Variants in DLG1 observed in about 807,000 individuals in gnomAD.
DLG1 encodes discs large MAGUK scaffold protein 1, also known as disks large homolog 1.
Under a neutral mutation model 123.4 loss-of-function variants are expected in DLG1, and 42 were observed. The observed-to-expected ratio is 0.34, with a 90% CI of 0.27 to 0.44. The LOEUF is 0.44. DLG1 is among the 20% of genes least tolerant of loss of function. The probability of loss-of-function intolerance (pLI) is 1.00; values close to 1 mark genes in which losing one functional copy is unlikely to be tolerated. For synonymous variants in DLG1, 317 were observed against 356.2 expected, an observed-to-expected ratio of 0.89 and a Z score of 1.24; for missense variants, 942 against 1,082.6, an observed-to-expected ratio of 0.87 and a Z score of 1.82.
At chr3:197,182,822 AATT>A (rs1713172953) in intron 5 of DLG1, among the ~76,000 whole-genome samples, 1 of 152,100 alleles carries the variant, frequency 6.6e-6, no homozygotes, top group Non-Finnish European at 1.5e-5. Context: ...TATTTCAAAC[AATT>A]ATTAATTTTT....
intron 10 of DLG1, among the ~76,000 whole-genome samples, chr3:197,135,019 C>G (rs1784412588): frequency 6.6e-6 from 1 of 152,188 alleles, no homozygotes; most frequent in African/African-American, 2.4e-5. Flanking sequence ...GCCTAGAAGA[C>G]TGTTATACAT....
chr3:197,213,337 A>G (rs1216250339), intron 4 of DLG1, among the ~76,000 whole-genome samples: 1 of 152,202 alleles, frequency 6.6e-6, no homozygotes, highest in Non-Finnish European at 1.5e-5. Context: ...GAATCCATTT[A>G]TATAAAATGT....
intron 4 of DLG1, among the ~76,000 whole-genome samples, chr3:197,281,515 TG>T (rs1321520258): frequency 6.6e-6 from 1 of 152,150 alleles, no homozygotes; most frequent in Admixed American, 6.5e-5. Context: ...AAAATCCATT[TG>T]AAATAGACCT....
intron 5 of DLG1, among the ~76,000 whole-genome samples, chr3:197,183,035 A>T (rs936924543): frequency 6.6e-6 from 1 of 152,190 alleles, no homozygotes; most frequent in African/African-American, 2.4e-5. Flanking sequence ...ATTTACAAAA[A>T]ACGATTCATT....
chr3:197,091,175 A>G (rs1189024310), intron 14 of DLG1, 149 bp from the exon 15 acceptor site: 2 of 510,988 alleles, frequency 3.9e-6, no homozygotes, highest in Admixed American at 3.4e-5. Context: ...TGCCCAACAC[A>G]TAAATTTCAA....
chr3:197,248,703 A>G (rs567908426), intron 4 of DLG1, among the ~76,000 whole-genome samples: 2 of 152,276 alleles, frequency 1.3e-5, no homozygotes, highest in African/African-American at 4.8e-5. Context: ...TAGATTTAGC[A>G]TTTAGAATAG....
intron 4 of DLG1, among the ~76,000 whole-genome samples, chr3:197,221,893 T>C (rs781469191): frequency 9.2e-5 from 14 of 152,228 alleles, no homozygotes; most frequent in Non-Finnish European, 1.8e-4. Flanking sequence ...AATCTGAAGA[T>C]ACTCAAGTCC....
Position 197,095,187 on chromosome 3 carries a change from T to C in DLG1, c.1547-4161A>G, listed in dbSNP as rs79749071. ...AACCATTTGACAGCAATTTGCCTTC[T>C]TGATGTCTCATCATCCCTGAATACT... On this transcript the variant is annotated intron_variant, in intron 14 of 24. Coordinates refer to ENST00000667157, the MANE Select transcript of DLG1 (RefSeq NM_001366207.1). Among the ~76,000 whole-genome samples the C allele has an allele frequency of 1.0e-3, 155 of 152,342 alleles. 7 individuals are homozygous for C. The East Asian group carries it at 0.026, about 26-fold the overall frequency.
chr3:197,079,556 T>C (rs1006853789), intron 17 of DLG1, among the ~76,000 whole-genome samples: 1 of 152,242 alleles, frequency 6.6e-6, no homozygotes, highest in Non-Finnish European at 1.5e-5. Context: ...TTCAGTTAAC[T>C]TCTTACAGTA....
intron 5 of DLG1, among the ~76,000 whole-genome samples, chr3:197,185,021 A>G (rs533484500): frequency 1.3e-5 from 2 of 152,314 alleles, no homozygotes; most frequent in African/African-American, 4.8e-5. Flanking sequence ...AGTACCTTCA[A>G]GTTTGAGAAC....
intron 13 of DLG1, among the ~76,000 whole-genome samples, chr3:197,106,179 G>A (rs1346073591): frequency 3.3e-5 from 5 of 152,222 alleles, no homozygotes; most frequent in Admixed American, 2.0e-4. Context: ...GCTGAGGTGG[G>A]TGGTTCACTT....
intron 5 of DLG1, among the ~76,000 whole-genome samples, chr3:197,153,846 T>C (rs552804285): frequency 1.8e-4 from 28 of 152,140 alleles, no homozygotes; most frequent in Admixed American, 1.3e-3. Context: ...TTTGATAGCC[T>C]ACAACAATCA....
chr3:197,106,127 T>C (rs976832514), intron 13 of DLG1, among the ~76,000 whole-genome samples: 3 of 152,178 alleles, frequency 2.0e-5, no homozygotes, highest in South Asian at 2.1e-4. Flanking sequence ...CCCTTGAGGC[T>C]GGGCATGGTG....
chr3:197,047,429 A>AAGG (rs1724101113), intron 24 of DLG1, among the ~76,000 whole-genome samples: 2 of 152,220 alleles, frequency 1.3e-5, no homozygotes, highest in African/African-American at 4.8e-5. Flanking sequence ...AAGAAAGCAC[A>AAGG]AGGTTTAAAA....
intron 13 of DLG1, among the ~76,000 whole-genome samples, chr3:197,112,853 C>T (rs1226421257): frequency 6.6e-6 from 1 of 152,166 alleles, no homozygotes; most frequent in East Asian, 1.9e-4. Context: ...GCCTCAGCCT[C>T]CTGAGTTACT....
At chr3:197,066,643 C>A in intron 20 of DLG1, 61 bp downstream of exon 20, 1 of 1,309,802 alleles carries the variant, frequency 7.6e-7, no homozygotes, top group Non-Finnish European at 1.1e-6. Context: ...GAATTTTTTT[C>A]CCCCAAATTA....
chr3:197,256,362 C>A (rs1756895423), intron 4 of DLG1, among the ~76,000 whole-genome samples: 1 of 152,250 alleles, frequency 6.6e-6, no homozygotes, highest in Non-Finnish European at 1.5e-5. Flanking sequence ...CCATAGTCTG[C>A]CAACTCCTGA....
At chr3:197,122,405 A>G (rs1203808856) in intron 11 of DLG1, among the ~76,000 whole-genome samples, 1 of 152,092 alleles carries the variant, frequency 6.6e-6, no homozygotes, top group African/African-American at 2.4e-5. Context: ...TGACAGTGAT[A>G]TTTATTATCA....
chr3:197,114,358 CCCA>C (rs566084705), intron 13 of DLG1, among the ~76,000 whole-genome samples: 249 of 152,240 alleles, frequency 1.6e-3, no homozygotes, highest in Admixed American at 2.7e-3. Flanking sequence ...CCAGCAAACC[CCCA>C]CAAGTCACCT....
Sources: allele counts gnomAD v4.1 joint callset (sites outside exome capture counted in the v4.1 genomes callset), GRCh38; gene constraint gnomAD v4.1.1; transcripts MANE v1.5; gene names NCBI Gene and HGNC (gene_info 2026-07-23, HGNC 2026-07-21).